The following KIRREL3 variants were observed in gnomAD, a reference collection of about 807,000 sequenced individuals.
KIRREL3 encodes the protein kin of IRRE-like protein 3.
In KIRREL3, 36 loss-of-function variants were observed where a neutral mutation model predicts 89.7. The ratio of observed to expected loss-of-function variants is 0.40; its 90% CI spans 0.31 to 0.53. KIRREL3 has a LOEUF of 0.53. Among genes scored for constraint, KIRREL3 ranks in the 20% least tolerant of loss-of-function variants. The pLI is 0.49. For missense variants in KIRREL3, 864 were observed against 1,056.6 expected (o/e 0.82, Z 2.53); for synonymous variants, 445 against 441.4 (o/e 1.01, Z -0.10).
Position 126,486,898 on chromosome 11 carries a change from G to A in KIRREL3, c.434-13432C>T, listed in dbSNP as rs530484913. Among the ~76,000 whole-genome samples the A allele has an allele frequency of 1.1e-4, 16 of 152,216 alleles. 1 individual carries two copies. Among genetic ancestry groups the A allele is most frequent in the East Asian group, 5.8e-4 (3 of 5,164 alleles). ...CCAGGCAGGGACTTGGAGTGTCCCC[G>A]CTGGTCCCATAAATAGAAGCAGAAC... On this transcript the variant is annotated intron_variant, in intron 4 of 16. Coordinates refer to ENST00000525144, the MANE Select transcript of KIRREL3 (RefSeq NM_032531.4). The surrounding 1 kb of genome is among the most constrained non-coding windows in gnomAD (Gnocchi z 6.2).
At chr11:126,461,623 C>T (rs1956546043) in intron 6 of KIRREL3, among the ~76,000 whole-genome samples, 1 of 152,180 alleles carries the variant, frequency 6.6e-6, no homozygotes, top group African/African-American at 2.4e-5. Flanking sequence ...TTGAGCCTAC[C>T]TGAGGTTTTC....
At chr11:126,942,408 A>G (rs1053464277) in intron 1 of KIRREL3, among the ~76,000 whole-genome samples, 1 of 152,118 alleles carries the variant, frequency 6.6e-6, no homozygotes, top group East Asian at 1.9e-4. Context: ...TGCCCACTGT[A>G]TCACTCTGAC....
chr11:126,857,298 C>G (rs998485123), intron 1 of KIRREL3, among the ~76,000 whole-genome samples: 7 of 152,248 alleles, frequency 4.6e-5, no homozygotes, highest in Non-Finnish European at 1.0e-4. Flanking sequence ...GTCTGCTGCC[C>G]TTGGGCCAGC....
In KIRREL3 at chr11:126,987,621, AT is replaced by A. The variant is rs1435319144; in HGVS notation, c.55+12833del. Among the ~76,000 whole-genome samples, 1 of 152,216 alleles carries A rather than the reference AT, an allele frequency of 6.6e-6. No individual in the cohort carries two copies. Among genetic ancestry groups the A allele is most frequent in the Non-Finnish European group, 1.5e-5 (1 of 68,028 alleles). The stretch of plus-strand genomic sequence containing the variant: ...CATGCCCAGAGAAAGGAGCATTGAT[AT>A]GGATTTGGAACCCAGGCATCAGCTG... On this transcript the variant is annotated intron_variant, in intron 1 of 16. Coordinates refer to ENST00000525144, the MANE Select transcript of KIRREL3 (RefSeq NM_032531.4). The surrounding 1 kb of genome is among the most constrained non-coding windows in gnomAD (Gnocchi z 4.6).
intron 1 of KIRREL3, among the ~76,000 whole-genome samples, chr11:126,939,814 T>C (rs982574869): frequency 6.6e-6 from 1 of 152,202 alleles, no homozygotes; most frequent in South Asian, 2.1e-4. Context: ...ATGAATGTAA[T>C]GAATCTTCCT....
At position 126,463,297 on chromosome 11, in the gene KIRREL3, C is replaced by G. The variant is rs374719285; in HGVS notation, c.602G>C (p.Arg201Pro). 2.5e-6 allele frequency: 4 copies of G among 1,612,878 alleles called. No individual in the cohort carries two copies. The highest frequency in any genetic ancestry group is 3.3e-5 in the Admixed American group (2 of 59,940). ...GACGATGCTCTCCCGCTTGCCGTCC[C>G]GAAGCAGGGTCTTGGGAGAAAGGGA... ...NGATYSKTLL[R>P]DGKRESIVST... Residue 201 changes from arginine to proline, a missense_variant, in exon 6 of 17, where the codon CGG becomes CCG. Coordinates refer to ENST00000525144, the MANE Select transcript of KIRREL3 (RefSeq NM_032531.4). This position sits in a 1 kb window ranked among gnomAD's most constrained non-coding sequence, Gnocchi z 5.9.
chr11:126,892,662 A>G lies in KIRREL3; in HGVS notation c.55+107793T>C, dbSNP rs1253091027. On this transcript the variant is annotated intron_variant, in intron 1 of 16. Transcript: ENST00000525144. This position sits in a 1 kb window ranked among gnomAD's most constrained non-coding sequence, Gnocchi z 5.4. ...CCGGTGGGCAGGTGTGGCTGGAGGC[A>G]TGACCCCTTTTCTCTGGTTGATTTC... Among the ~76,000 whole-genome samples, 4 of 152,188 alleles carry G rather than the reference A, an allele frequency of 2.6e-5. No individual in the cohort carries two copies. The highest frequency in any genetic ancestry group is 5.9e-5 in the Non-Finnish European group (4 of 68,042).
chr11:126,969,940 T>C lies in KIRREL3; in HGVS notation c.55+30515A>G, dbSNP rs904529352. Among the ~76,000 whole-genome samples the C allele has an allele frequency of 3.3e-5, 5 of 152,148 alleles. No homozygotes were observed. The highest frequency in any genetic ancestry group is 2.1e-4 in the South Asian group (1 of 4,822). Reference sequence around the variant, plus strand: ...CTGGTAGTTAGTTCCAGCAAAACCATTGAGGGGAAACAAAGGAAGTTTTGT... The same window carrying C: ...CTGGTAGTTAGTTCCAGCAAAACCACTGAGGGGAAACAAAGGAAGTTTTGT... On this transcript the variant is annotated intron_variant, in intron 1 of 16. Transcript: ENST00000525144. The surrounding 1 kb of genome is among the most constrained non-coding windows in gnomAD (Gnocchi z 4.9).
rs892068267 is a variant in KIRREL3 at position 126,492,126 on chromosome 11, G to T, written c.434-18660C>A. Among the ~76,000 whole-genome samples, 5 of 152,184 alleles carry T rather than the reference G, an allele frequency of 3.3e-5. No individual in the cohort carries two copies. Among genetic ancestry groups the T allele is most frequent in the Admixed American group, 2.0e-4 (3 of 15,288 alleles). On this transcript the variant is annotated intron_variant, in intron 4 of 16. Transcript: ENST00000525144. This position sits in a 1 kb window ranked among gnomAD's most constrained non-coding sequence, Gnocchi z 4.8. ...CTCCGGGCTTATAAAATGGACAAAAGGATAAGTTGCAGAGGGCCACCGAGG... is the reference window on the plus strand; with the variant it reads ...CTCCGGGCTTATAAAATGGACAAAATGATAAGTTGCAGAGGGCCACCGAGG...
At chr11:126,881,547 A>C (rs1945496438) in intron 1 of KIRREL3, among the ~76,000 whole-genome samples, 1 of 152,156 alleles carries the variant, frequency 6.6e-6, no homozygotes, top group Non-Finnish European at 1.5e-5. Context: ...CAATTAAAAA[A>C]ATCATTTTAA....
intron 4 of KIRREL3, among the ~76,000 whole-genome samples, chr11:126,487,428 AG>A (rs1303664502): frequency 2.0e-5 from 3 of 152,226 alleles, no homozygotes; most frequent in Non-Finnish European, 4.4e-5. Context: ...GAAGGAAACA[AG>A]CAAAACACTT....
intron 1 of KIRREL3, among the ~76,000 whole-genome samples, chr11:126,866,327 C>T (rs557419485): frequency 4.1e-4 from 63 of 152,342 alleles, no homozygotes; most frequent in Non-Finnish European, 7.9e-4. Flanking sequence ...TGCCTTCCTA[C>T]AGCCTGTGTA....
Position 126,639,539 on chromosome 11 carries a change from C to A in KIRREL3, c.56-76627G>T, listed in dbSNP as rs1473366963. 4.6e-5 allele frequency among the ~76,000 whole-genome samples: 7 copies of A among 152,170 alleles called. No individual in the cohort carries two copies. In the East Asian group the frequency reaches 5.8e-4, roughly 13 times the overall value. On this transcript the variant is annotated intron_variant, in intron 1 of 16. Coordinates refer to ENST00000525144, the MANE Select transcript of KIRREL3 (RefSeq NM_032531.4). This position sits in a 1 kb window ranked among gnomAD's most constrained non-coding sequence, Gnocchi z 4.3. ...GGAGAGTTAAGAAGGCAGATGCTAACCAACCACCAATTGCATCCCAGGACA... is the reference window on the plus strand; with the variant it reads ...GGAGAGTTAAGAAGGCAGATGCTAAACAACCACCAATTGCATCCCAGGACA...
intron 1 of KIRREL3, chr11:126,920,323 A>C (rs1947219227): frequency 6.6e-6 from 1 of 152,398 alleles, no homozygotes; most frequent in Non-Finnish European, 1.5e-5. Flanking sequence ...TCTATCGATT[A>C]GACAAAGATA....
chr11:126,430,993 CTG>C lies in KIRREL3; in HGVS notation c.1696+424_1696+425del. The C allele has an allele frequency of 8.9e-7, 1 of 1,118,926 alleles. No individual in the cohort carries two copies. The highest frequency in any genetic ancestry group is 1.6e-5 in the African/African-American group (1 of 62,392). The allele number at this position is 1,118,926 out of a possible 1,614,324, so 69.3% of individuals were successfully genotyped here. A position where few individuals can be genotyped will look rare whatever the true frequency, so the allele number is the denominator to read the frequency against. On this transcript the variant is annotated intron_variant, in intron 14 of 16. Coordinates refer to ENST00000525144, the MANE Select transcript of KIRREL3 (RefSeq NM_032531.4). This position sits in a 1 kb window ranked among gnomAD's most constrained non-coding sequence, Gnocchi z 6.6. ...TGCTTCCCCACCCACTCCCCCACAG[CTG>C]TGTGAGTGACCTGCTTTTCTGGTGA... is the stretch of plus-strand genomic sequence containing the variant.
chr11:126,923,605 A>T (rs939713057), intron 1 of KIRREL3, among the ~76,000 whole-genome samples: 4 of 151,738 alleles, frequency 2.6e-5, no homozygotes, highest in Non-Finnish European at 5.9e-5. Flanking sequence ...CACCACGCTC[A>T]GCTAATTTTT....
In KIRREL3 at chr11:126,860,756, T is replaced by G. The variant is rs1176145521; in HGVS notation, c.55+139699A>C. 6.6e-6 allele frequency among the ~76,000 whole-genome samples: 1 copy of G among 152,182 alleles called. No homozygotes were observed. Among genetic ancestry groups the G allele is most frequent in the Non-Finnish European group, 1.5e-5 (1 of 68,044 alleles). ...GCCAGTGAGGAGGCTCCTGCCCTGG[T>G]CCAAAGGAGAGAGGCTGAGACTCTT... On this transcript the variant is annotated intron_variant, in intron 1 of 16. Coordinates refer to ENST00000525144, the MANE Select transcript of KIRREL3 (RefSeq NM_032531.4). This position sits in a 1 kb window ranked among gnomAD's most constrained non-coding sequence, Gnocchi z 4.6.
rs182969183 is a variant in KIRREL3, at chr11:126,636,418, C to G, written c.56-73506G>C. ...GCCTTCCTCTTTCTCCCTTCTGGCA[C>G]TTGTTCTGTTGAGAGTCTGTGATGC... On this transcript the variant is annotated intron_variant, in intron 1 of 16. Transcript: ENST00000525144. This position sits in a 1 kb window ranked among gnomAD's most constrained non-coding sequence, Gnocchi z 4.4. 5.1e-4 allele frequency among the ~76,000 whole-genome samples: 77 copies of G among 152,296 alleles called. No homozygotes were observed. The highest frequency in any genetic ancestry group is 1.7e-3 in the African/African-American group (72 of 41,552).
At chr11:126,937,538 A>G (rs1948244561) in intron 1 of KIRREL3, among the ~76,000 whole-genome samples, 1 of 152,148 alleles carries the variant, frequency 6.6e-6, no homozygotes, top group African/African-American at 2.4e-5. Context: ...TTACTGATAC[A>G]ATAAGACAGA....
Sources: gnomAD v4.1 joint callset for allele counts (sites outside exome capture counted in the v4.1 genomes callset) on GRCh38, gnomAD v4.1.1 for gene constraint, Gnocchi (gnomAD v3.1) non-coding constraint, MANE v1.5 for transcripts, NCBI Gene and HGNC (gene_info 2026-07-23, HGNC 2026-07-21) for gene names.